KCTD9: variants seen among roughly 807,000 people sequenced by gnomAD.
KCTD9 encodes potassium channel tetramerization domain containing 9.
A neutral mutation model predicts 53.3 loss-of-function variants in KCTD9; 17 were observed. The ratio of observed to expected loss-of-function variants is 0.32; its 90% CI spans 0.22 to 0.48. KCTD9 has a LOEUF of 0.48. KCTD9 is among the 20% of genes least tolerant of loss of function. KCTD9 has a pLI of 0.99. For missense variants in KCTD9, 179 were observed against 465.5 expected, an observed-to-expected ratio of 0.38 and a Z score of 5.66; for synonymous variants, 128 against 162.7, an observed-to-expected ratio of 0.79 and a Z score of 1.62.
chr8:25,442,692 T>C (rs1343862967), intron 3 of KCTD9, among the ~76,000 whole-genome samples: 1 of 151,864 alleles, frequency 6.6e-6, no homozygotes, highest in Admixed American at 6.6e-5. Context: ...ACTAAATGAG[T>C]GTATAAAGGG....
At chr8:25,433,130 C>G (rs1430409269) in intron 10 of KCTD9, among the ~76,000 whole-genome samples, 200 bp downstream of exon 10, 1 of 151,962 alleles carries the variant, frequency 6.6e-6, no homozygotes, top group East Asian at 1.9e-4. Context: ...TTTATTTTTT[C>G]TGAGTCCTCA....
intron 1 of KCTD9, 144 bp downstream of exon 1, chr8:25,458,055 G>T: frequency 1.3e-6 from 1 of 760,182 alleles, no homozygotes; most frequent in Non-Finnish European, 2.1e-6. Context: ...CGGGGACCCT[G>T]TGCTGTCCCC....
At chr8:25,455,020 G>A (rs1166949737) in intron 1 of KCTD9, among the ~76,000 whole-genome samples, 1 of 152,136 alleles carries the variant, frequency 6.6e-6, no homozygotes, top group Non-Finnish European at 1.5e-5. Flanking sequence ...GAGGTCAAGA[G>A]TTCAGGATCA....
At chr8:25,445,271 A>G (rs980789674) in intron 2 of KCTD9, among the ~76,000 whole-genome samples, 1 of 152,186 alleles carries the variant, frequency 6.6e-6, no homozygotes, top group Non-Finnish European at 1.5e-5. Context: ...GTATGACCTG[A>G]GTGAGTCCTC....
chr8:25,439,132 G>A lies in KCTD9; in HGVS notation c.499+147C>T, dbSNP rs1308259373. 2.4e-5 allele frequency: 15 copies of A among 626,396 alleles called. No homozygotes were observed. The East Asian group carries it at 3.1e-4, about 13-fold the overall frequency. 38.8% of individuals were successfully genotyped at this position (626,396 alleles called of 1,614,324 possible). On this transcript the variant is annotated intron_variant, in intron 6 of 11. Coordinates refer to ENST00000221200, the MANE Select transcript of KCTD9 (RefSeq NM_017634.4). ...CTACACCTATATCACTCATATACAT[G>A]TGAAAACATCTAGTTTAAAAAATAG... is the stretch of plus-strand genomic sequence containing the variant.
At position 25,458,097 on chromosome 8, in the gene KCTD9, CAG is replaced by C; in HGVS notation, c.48+100_48+101del. The C allele has an allele frequency of 4.1e-6, 5 of 1,214,528 alleles. No individual in the cohort carries two copies. In the South Asian group the frequency reaches 6.8e-5, roughly 17 times the overall value. 75.2% of individuals were successfully genotyped at this position (1,214,528 alleles called of 1,614,324 possible). ...CCCCAGCCCGCGCACGCCCACCTCC[CAG>C]CCCCTCTACCCAACTTCACCGCTGC... On this transcript the variant is annotated intron_variant, in intron 1 of 11. Coordinates refer to ENST00000221200, the MANE Select transcript of KCTD9 (RefSeq NM_017634.4).
At chr8:25,439,578 A>C in intron 5 of KCTD9, 28 bp downstream of exon 5, 1 of 1,612,388 alleles carries the variant, frequency 6.2e-7, no homozygotes, top group Middle Eastern at 1.7e-4. Flanking sequence ...AGGTAAGATG[A>C]AATGTGAAAA....
chr8:25,435,889 T>C (rs1802007264), intron 8 of KCTD9, among the ~76,000 whole-genome samples: 1 of 152,222 alleles, frequency 6.6e-6, no homozygotes, highest in Admixed American at 6.5e-5. Flanking sequence ...AGTACTGTGG[T>C]CTTTACAATT....
chr8:25,430,122 CT>C (rs1370531310), intron 11 of KCTD9, 149 bp from the exon 12 acceptor site: 1 of 628,510 alleles, frequency 1.6e-6, no homozygotes, highest in African/African-American at 1.8e-5. Context: ...ATACACCACC[CT>C]AAATTAAGAT....
intron 1 of KCTD9, 147 bp downstream of exon 1, chr8:25,458,052 C>T: frequency 2.7e-6 from 2 of 732,260 alleles, no homozygotes; most frequent in Non-Finnish European, 4.4e-6. Context: ...CCGCGGGGAC[C>T]CTGTGCTGTC....
At position 25,432,554 on chromosome 8, in the gene KCTD9, A is replaced by G. The variant is rs764101108; in HGVS notation, c.1003T>C (p.Leu335=). 6.2e-7 allele frequency: 1 copy of G among 1,613,500 alleles called. No individual in the cohort carries two copies. The highest frequency in any genetic ancestry group is 8.5e-7 in the Non-Finnish European group (1 of 1,179,862). ...GCTCCTCTGAGGTTACAGTTCTTCAACTTTGCATTTTTTAAGGTAGCCACT... is the reference window on the plus strand; with the variant it reads ...GCTCCTCTGAGGTTACAGTTCTTCAGCTTTGCATTTTTTAAGGTAGCCACT... ...LRVATLKNAK[L]KNCNLRGATL... is the part of the protein sequence containing the mutation. Residue 335 remains leucine (L), a synonymous_variant, in exon 11 of 12, where the codon TTG becomes CTG. Coordinates refer to ENST00000221200, the MANE Select transcript of KCTD9 (RefSeq NM_017634.4).
At chr8:25,430,171 G>A (rs548519107) in intron 11 of KCTD9, among the ~76,000 whole-genome samples, 198 bp from the exon 12 acceptor site, 2 of 152,130 alleles carry the variant, frequency 1.3e-5, no homozygotes, top group Non-Finnish European at 2.9e-5. Context: ...AGTTCAGGCT[G>A]ATCACCATAA....
chr8:25,450,439 C>A (rs774771004), intron 1 of KCTD9: 68 of 984,260 alleles, frequency 6.9e-5, no homozygotes, highest in Non-Finnish European at 7.8e-5. Context: ...AAGTAGGACA[C>A]ACCTTTTTTG....
At chr8:25,454,354 A>C (rs1038543095) in intron 1 of KCTD9, among the ~76,000 whole-genome samples, 1 of 152,240 alleles carries the variant, frequency 6.6e-6, no homozygotes, top group African/African-American at 2.4e-5. Context: ...GAATGAATGA[A>C]TGAATGATGA....
intron 11 of KCTD9, 103 bp downstream of exon 11, chr8:25,432,401 C>T: frequency 1.0e-6 from 1 of 971,314 alleles, no homozygotes; most frequent in Non-Finnish European, 1.6e-6. Flanking sequence ...TCTTCCAATC[C>T]AGTTTTACCA....
In KCTD9 at chr8:25,439,637, G is replaced by A; in HGVS notation, c.339C>T (p.Asp113=). The A allele has an allele frequency of 1.2e-6, 2 of 1,614,062 alleles. No homozygotes were observed. The highest frequency in any genetic ancestry group is 1.7e-6 in the Non-Finnish European group (2 of 1,179,986). Reference sequence around the variant, plus strand: ...CCTTAAACATGTGGGCCAGCATACTGTCAGGTTCTTTATTCACTAAAGTGC... The same window carrying A: ...CCTTAAACATGTGGGCCAGCATACTATCAGGTTCTTTATTCACTAAAGTGC... The part of the protein sequence containing the change: ...TRSTLVNKEP[D]SMLAHMFKDK... The change falls in exon 5 of 12, where the codon GAC becomes GAT. Residue 113 remains aspartate (D), a synonymous_variant. Transcript: ENST00000221200.
rs2117388944 is a variant in KCTD9, at chr8:25,433,289, T to C, written c.919+41A>G. On this transcript the variant is annotated intron_variant, in intron 10 of 11. Transcript: ENST00000221200. ...TCCAGGGCTTTTTTCCTTTACAGTC[T>C]GCTTCCTTCGTAGAATAGGTATTTA... 5 of 1,144,864 alleles carry C rather than the reference T, an allele frequency of 4.4e-6. No individual in the cohort carries two copies. The East Asian group carries it at 9.5e-5, about 22-fold the overall frequency. The allele number at this position is 1,144,864 out of a possible 1,614,324, so 70.9% of individuals were successfully genotyped here.
chr8:25,435,406 C>G lies in KCTD9; in HGVS notation c.770G>C (p.Cys257Ser). The G allele has an allele frequency of 2.5e-6, 4 of 1,610,496 alleles. No homozygotes were observed. Among genetic ancestry groups the G allele is most frequent in the Non-Finnish European group, 3.4e-6 (4 of 1,178,660 alleles). Residue 257 changes from cysteine (C) to serine (S), a missense_variant, in exon 9 of 12, where the codon TGT becomes TCT. Physicochemically the swap from Cys to Ser is moderately radical, Grantham distance 112 (BLOSUM62 -1). Coordinates refer to ENST00000221200, the MANE Select transcript of KCTD9 (RefSeq NM_017634.4). ...GAGATCAGCTCGTTCAAGATTTGCACAGCAAAGATTTGCATGTGCAAGATT... is the reference window on the plus strand; with the variant it reads ...GAGATCAGCTCGTTCAAGATTTGCAGAGCAAAGATTTGCATGTGCAAGATT... ...RCNLAHANLC[C>S]ANLERADLSG... is the part of the protein sequence containing the mutation.
chr8:25,427,921 C>G lies in KCTD9; in HGVS notation c.*1936G>C, dbSNP rs533546409. Reference sequence around the variant, plus strand: ...TAACAAATTAAGTTATACTGTATTTCCTTTGCTACCCAGAACCACAGGGCT... The same window carrying G: ...TAACAAATTAAGTTATACTGTATTTGCTTTGCTACCCAGAACCACAGGGCT... On this transcript the variant is annotated 3_prime_UTR_variant, in exon 12 of 12. Coordinates refer to ENST00000221200, the MANE Select transcript of KCTD9 (RefSeq NM_017634.4). 2 of 152,234 alleles carry G rather than the reference C, an allele frequency of 1.3e-5. No individual in the cohort carries two copies. The highest frequency in any genetic ancestry group is 4.1e-4 in the South Asian group (2 of 4,824). 9.4% of individuals were successfully genotyped at this position (152,234 alleles called of 1,614,324 possible).
Sources: allele counts gnomAD v4.1 joint callset (sites outside exome capture counted in the v4.1 genomes callset), GRCh38; gene constraint gnomAD v4.1.1; transcripts MANE v1.5; gene names NCBI Gene and HGNC (gene_info 2026-07-23, HGNC 2026-07-21).